CHRM3: variants seen among roughly 807,000 people sequenced by gnomAD.
The protein encoded by CHRM3 is cholinergic receptor muscarinic 3.
In CHRM3, 11 loss-of-function variants were observed where a neutral mutation model predicts 41.8. That is an observed-to-expected ratio of 0.26 (90% confidence interval 0.17 to 0.44). The LOEUF (loss-of-function observed/expected upper bound fraction) is 0.44. Ranked by LOEUF, CHRM3 falls within the 20% of genes least tolerant of loss-of-function variation. The pLI, the probability that CHRM3 is intolerant of heterozygous loss-of-function variation, is 1.00. For synonymous variants in CHRM3, 297 were observed against 301.4 expected, an observed-to-expected ratio of 0.99 and a Z score of 0.15; for missense variants, 571 against 745.4, an observed-to-expected ratio of 0.77 and a Z score of 2.72.
chr1:239,515,172 T>C (rs1269024004), intron 2 of CHRM3, among the ~76,000 whole-genome samples: 1 of 152,080 alleles, frequency 6.6e-6, no homozygotes, highest in Non-Finnish European at 1.5e-5. Flanking sequence ...GGTTAGTATA[T>C]ATATTTCTCT....
At chr1:239,593,728 A>G (rs1664460310) in intron 3 of CHRM3, among the ~76,000 whole-genome samples, 1 of 152,164 alleles carries the variant, frequency 6.6e-6, no homozygotes, top group South Asian at 2.1e-4. Context: ...GCTCAGGGAG[A>G]GCAGAAGTCA....
chr1:239,810,147 C>T (rs553433711), intron 5 of CHRM3, among the ~76,000 whole-genome samples: 5 of 152,188 alleles, frequency 3.3e-5, no homozygotes, highest in African/African-American at 1.2e-4. Context: ...TTGCAGCTGC[C>T]AGCATATAAT....
intron 5 of CHRM3, among the ~76,000 whole-genome samples, chr1:239,725,388 T>TTC (rs1157927679): frequency 6.6e-6 from 1 of 151,954 alleles, no homozygotes; most frequent in African/African-American, 2.4e-5. Context: ...TTGAATATAT[T>TTC]TCTCCTGAAA....
chr1:239,787,786 C>T (rs1383565096), intron 5 of CHRM3, among the ~76,000 whole-genome samples: 1 of 152,196 alleles, frequency 6.6e-6, no homozygotes, highest in Non-Finnish European at 1.5e-5. Flanking sequence ...CTTAACATAG[C>T]TTGCCTGCAA....
At chr1:239,574,887 A>C (rs1662181147) in intron 3 of CHRM3, among the ~76,000 whole-genome samples, 1 of 151,866 alleles carries the variant, frequency 6.6e-6, no homozygotes, top group Non-Finnish European at 1.5e-5. Flanking sequence ...AGGCATTCAA[A>C]ATTATTTGTT....
chr1:239,710,929 C>T (rs1242061154), intron 5 of CHRM3, among the ~76,000 whole-genome samples: 1 of 151,860 alleles, frequency 6.6e-6, no homozygotes, highest in Non-Finnish European at 1.5e-5. Flanking sequence ...TTCCCAGCTT[C>T]GTTTGGCTTC....
chr1:239,512,241 G>A (rs911916984), intron 2 of CHRM3, among the ~76,000 whole-genome samples: 4 of 152,214 alleles, frequency 2.6e-5, no homozygotes, highest in African/African-American at 9.6e-5. Context: ...TCAAGTCCTG[G>A]TTTTCAAGCT....
intron 5 of CHRM3, among the ~76,000 whole-genome samples, chr1:239,723,926 G>T (rs2148360722): frequency 6.6e-6 from 1 of 151,978 alleles, no homozygotes; most frequent in South Asian, 2.1e-4. Flanking sequence ...AACTCCAGGG[G>T]CTTTCACCAC....
intron 3 of CHRM3, among the ~76,000 whole-genome samples, chr1:239,560,576 T>C (rs1188599549): frequency 1.3e-5 from 2 of 152,198 alleles, no homozygotes; most frequent in Non-Finnish European, 2.9e-5. Context: ...CTTCCAAGGA[T>C]ACGTAACATT....
chr1:239,736,391 T>C (rs1173146678), intron 5 of CHRM3, among the ~76,000 whole-genome samples: 1 of 139,220 alleles, frequency 7.2e-6, no homozygotes, highest in Non-Finnish European at 1.5e-5. Flanking sequence ...AATAACCAAA[T>C]AATAATAATA....
intron 3 of CHRM3, among the ~76,000 whole-genome samples, chr1:239,550,993 TG>T (rs1659754301): frequency 1.3e-5 from 2 of 152,148 alleles, no homozygotes; most frequent in Admixed American, 1.3e-4. Context: ...AATTCATCAC[TG>T]TTTTTTAAAG....
At chr1:239,712,701 C>T (rs1237390397) in intron 5 of CHRM3, among the ~76,000 whole-genome samples, 3 of 152,126 alleles carry the variant, frequency 2.0e-5, no homozygotes, top group Admixed American at 2.0e-4. Context: ...TCGGTAAAGA[C>T]TGTATTTTGT....
chr1:239,644,059 A>G (rs1671506692), intron 4 of CHRM3, among the ~76,000 whole-genome samples: 1 of 152,212 alleles, frequency 6.6e-6, no homozygotes, highest in Non-Finnish European at 1.5e-5. Context: ...ACTTTCTTTC[A>G]TTGACAAATG....
At chr1:239,446,117 A>G (rs1342969837) in intron 1 of CHRM3, among the ~76,000 whole-genome samples, 1 of 152,078 alleles carries the variant, frequency 6.6e-6, no homozygotes, top group Non-Finnish European at 1.5e-5. Context: ...TTGTATTTTT[A>G]GTAGAGATGG....
At position 239,907,754 on chromosome 1, in the gene CHRM3, G is replaced by T. The variant is rs200122635; in HGVS notation, c.303G>T (p.Thr101=). ...VSFKVNKQLK[T]VNNYFLLSLA... is the part of the protein sequence containing the mutation. ...TTAAGGTCAACAAGCAGCTGAAGAC[G>T]GTCAACAACTACTTCCTCTTAAGCC... Residue 101 remains threonine, a synonymous_variant, in exon 7 of 7, where the codon ACG becomes ACT. Transcript: ENST00000676153. This position sits in a 1 kb window ranked among gnomAD's most constrained non-coding sequence, Gnocchi z 5.4. 1.9e-6 allele frequency: 3 copies of T among 1,614,170 alleles called. No individual in the cohort carries two copies. Among genetic ancestry groups the T allele is most frequent in the Non-Finnish European group, 2.5e-6 (3 of 1,180,026 alleles).
rs138758659 is a variant in CHRM3, at chr1:239,652,153, G to A, written c.-250+19867G>A. On this transcript the variant is annotated intron_variant, in intron 4 of 6. Coordinates refer to ENST00000676153, the MANE Select transcript of CHRM3 (RefSeq NM_001375978.1). ...TTTTTGAATGTGAATCCACTGAGCC[G>A]GTGTATACCTTAAAATAAATATCCT... is the stretch of plus-strand genomic sequence containing the variant. 2.1e-3 allele frequency among the ~76,000 whole-genome samples: 314 copies of A among 152,120 alleles called. 1 individual carries two copies. Among genetic ancestry groups the A allele is most frequent in the African/African-American group, 7.0e-3 (289 of 41,502 alleles).
chr1:239,759,169 G>GT (rs568446013), intron 5 of CHRM3, among the ~76,000 whole-genome samples: 1,736 of 102,004 alleles, frequency 0.017, 14 homozygotes, highest in Middle Eastern at 0.03. Flanking sequence ...TTTTTTTTTT[G>GT]TTTTTTTTTT....
intron 2 of CHRM3, among the ~76,000 whole-genome samples, chr1:239,529,165 T>A (rs539483482): frequency 6.6e-6 from 1 of 152,336 alleles, no homozygotes; most frequent in South Asian, 2.1e-4. Flanking sequence ...CATGTGAGTC[T>A]TGTTTTGTTT....
chr1:239,853,849 C>G (rs1674893501), intron 6 of CHRM3, among the ~76,000 whole-genome samples: 1 of 152,048 alleles, frequency 6.6e-6, no homozygotes, highest in Non-Finnish European at 1.5e-5. Context: ...TTGAACCAAT[C>G]TTATTTACCT....
Sources: allele counts gnomAD v4.1 joint callset (sites outside exome capture counted in the v4.1 genomes callset), GRCh38; gene constraint gnomAD v4.1.1; non-coding constraint Gnocchi (gnomAD v3.1); transcripts MANE v1.5; gene names NCBI Gene and HGNC (gene_info 2026-07-23, HGNC 2026-07-21).